The following VPS13B variants were observed in gnomAD, a reference collection of about 807,000 sequenced individuals.
VPS13B encodes intermembrane lipid transfer protein VPS13B.
Under a neutral mutation model 426.4 loss-of-function variants are expected in VPS13B, and 285 were observed. That is an observed-to-expected ratio of 0.67 (90% confidence interval 0.61 to 0.74). VPS13B has a LOEUF of 0.74. VPS13B is among the 30% of genes least tolerant of loss of function. VPS13B has a pLI of 0.00. For synonymous variants in VPS13B, 1,676 were observed against 1,676.4 expected (o/e 1.00, Z 0.01); for missense variants, 4,537 against 4,782.6 (o/e 0.95, Z 1.51).
chr8:99,444,853 G>A (rs1817836123), intron 23 of VPS13B, among the ~76,000 whole-genome samples: 1 of 151,948 alleles, frequency 6.6e-6, no homozygotes, highest in Admixed American at 6.6e-5. Context: ...TGTAGAGGTG[G>A]GGTTTCACCA....
At chr8:99,355,447 T>C (rs1441222233) in intron 19 of VPS13B, among the ~76,000 whole-genome samples, 2 of 151,998 alleles carry the variant, frequency 1.3e-5, no homozygotes, top group Admixed American at 1.3e-4. Context: ...ACAAATTAGC[T>C]GGGCCTGGTG....
intron 21 of VPS13B, among the ~76,000 whole-genome samples, chr8:99,418,273 T>G (rs1332266814): frequency 6.6e-6 from 1 of 152,010 alleles, no homozygotes; most frequent in Non-Finnish European, 1.5e-5. Flanking sequence ...CATCCCTCCC[T>G]CCTTTCTTCT....
chr8:99,737,103 C>CTTTTTT (rs1156447524), intron 39 of VPS13B, among the ~76,000 whole-genome samples: 1 of 50,680 alleles, frequency 2.0e-5, no homozygotes, highest in African/African-American at 8.6e-5. Flanking sequence ...TGAAGATGTC[C>CTTTTTT]TTCTTTTTTT....
At chr8:99,656,665 A>G (rs139409459) in intron 34 of VPS13B, among the ~76,000 whole-genome samples, 120 of 152,318 alleles carry the variant, frequency 7.9e-4, no homozygotes, top group Admixed American at 5.2e-4. Flanking sequence ...ATAAGGGACT[A>G]AAGGGTGACT....
chr8:99,044,973 A>G (rs1477615658), intron 3 of VPS13B, among the ~76,000 whole-genome samples: 2 of 106,506 alleles, frequency 1.9e-5, no homozygotes, highest in African/African-American at 3.4e-5. Flanking sequence ...CATTTTTGCA[A>G]TTGTGAATTG....
chr8:99,735,279 A>C (rs1204040360), intron 39 of VPS13B, among the ~76,000 whole-genome samples: 1 of 152,216 alleles, frequency 6.6e-6, no homozygotes, highest in Non-Finnish European at 1.5e-5. Flanking sequence ...TCCCCTCCCA[A>C]ATTCATTTCT....
intron 3 of VPS13B, among the ~76,000 whole-genome samples, chr8:99,063,357 A>T (rs1487516579): frequency 1.3e-5 from 2 of 152,020 alleles, no homozygotes; most frequent in Admixed American, 1.3e-4. Flanking sequence ...AAAACAGGAC[A>T]CTCCTGCCCA....
At chr8:99,460,945 A>G (rs556406498) in intron 23 of VPS13B, among the ~76,000 whole-genome samples, 29 of 152,196 alleles carry the variant, frequency 1.9e-4, no homozygotes, top group Non-Finnish European at 4.1e-4. Context: ...TTCGTATCCT[A>G]AGTTCAACAG....
At chr8:99,462,345 C>CT (rs1036725453) in intron 23 of VPS13B, among the ~76,000 whole-genome samples, 2 of 151,512 alleles carry the variant, frequency 1.3e-5, no homozygotes, top group African/African-American at 4.8e-5. Flanking sequence ...TCGATTAGAA[C>CT]TTTTTTTTTA....
chr8:99,471,486 G>A (rs1448522054), intron 24 of VPS13B, among the ~76,000 whole-genome samples: 1 of 151,782 alleles, frequency 6.6e-6, no homozygotes. Context: ...TACTCTCTTA[G>A]GACAACTAAT....
intron 17 of VPS13B, 120 bp downstream of exon 17, chr8:99,193,177 A>T (rs1813702665): frequency 2.9e-6 from 3 of 1,024,918 alleles, no homozygotes; most frequent in Non-Finnish European, 4.3e-6. Context: ...GTTTCTTTGA[A>T]TGTAGATATT....
At chr8:99,688,426 T>TA (rs1294923566) in intron 35 of VPS13B, among the ~76,000 whole-genome samples, 3 of 152,052 alleles carry the variant, frequency 2.0e-5, no homozygotes, top group Non-Finnish European at 4.4e-5. Context: ...GTTTTGGAAC[T>TA]AAAATTGACA....
chr8:99,043,082 C>T (rs536771760), intron 3 of VPS13B, among the ~76,000 whole-genome samples: 1 of 152,236 alleles, frequency 6.6e-6, no homozygotes, highest in African/African-American at 2.4e-5. Context: ...CCTATCTGCT[C>T]TATCTAGCAG....
intron 33 of VPS13B, among the ~76,000 whole-genome samples, chr8:99,621,820 CTTTTTT>C (rs749078781): frequency 1.2e-4 from 10 of 83,256 alleles, no homozygotes; most frequent in African/African-American, 4.8e-4. Context: ...TGTTTTGTTT[CTTTTTT>C]TTTTTTTTTT....
chr8:99,860,553 T>G (rs2130937538), intron 57 of VPS13B, among the ~76,000 whole-genome samples: 1 of 152,368 alleles, frequency 6.6e-6, no homozygotes, highest in East Asian at 1.9e-4. Context: ...ACACTTGTTC[T>G]TTTCTTCTCT....
chr8:99,632,360 A>G (rs1417638911), intron 33 of VPS13B, among the ~76,000 whole-genome samples: 1 of 151,996 alleles, frequency 6.6e-6, no homozygotes, highest in African/African-American at 2.4e-5. Flanking sequence ...AAGCAGTTCC[A>G]TATGACCAAA....
chr8:99,257,204 G>A (rs1373314892), intron 17 of VPS13B, among the ~76,000 whole-genome samples: 1 of 152,136 alleles, frequency 6.6e-6, no homozygotes, highest in Non-Finnish European at 1.5e-5. Context: ...TATTCAAACC[G>A]TAGCAGCAAC....
chr8:99,365,729 C>A lies in VPS13B; in HGVS notation c.2825-18479C>A, dbSNP rs574639979. Among the ~76,000 whole-genome samples the A allele has an allele frequency of 3.3e-5, 5 of 151,910 alleles. No homozygotes were observed. In the East Asian group the frequency reaches 9.7e-4, roughly 29 times the overall value. ...ATGGGGTTTCACCATATTGGCCAGGCTGGTCTCGAAATCCTGACCTTGTGA... is the reference window on the plus strand; with the variant it reads ...ATGGGGTTTCACCATATTGGCCAGGATGGTCTCGAAATCCTGACCTTGTGA... On this transcript the variant is annotated intron_variant, in intron 19 of 61. Coordinates refer to ENST00000357162, the MANE Select transcript of VPS13B (RefSeq NM_152564.5).
chr8:99,541,633 A>G (rs1229966498), intron 30 of VPS13B, among the ~76,000 whole-genome samples: 1 of 152,338 alleles, frequency 6.6e-6, no homozygotes, highest in East Asian at 1.9e-4. Context: ...AACTCTTGCC[A>G]TGTTAAAACA....
Sources: allele counts gnomAD v4.1 joint callset (sites outside exome capture counted in the v4.1 genomes callset), GRCh38; gene constraint gnomAD v4.1.1; transcripts MANE v1.5; gene names NCBI Gene and HGNC (gene_info 2026-07-23, HGNC 2026-07-21).